Variants in NAALADL2 observed in about 807,000 individuals in gnomAD.
The protein encoded by NAALADL2 is N-acetylated alpha-linked acidic dipeptidase like 2, also known as inactive N-acetylated-alpha-linked acidic dipeptidase-like protein 2.
A neutral mutation model predicts 87.2 loss-of-function variants in NAALADL2; 76 were observed. That is an observed-to-expected ratio of 0.87 (90% confidence interval 0.72 to 1.05). The LOEUF (loss-of-function observed/expected upper bound fraction) is 1.05, where lower values mean the gene tolerates loss of function less well. Among genes scored for constraint, NAALADL2 ranks in the 50% least tolerant of loss-of-function variants. The pLI, the probability that NAALADL2 is intolerant of heterozygous loss-of-function variation, is 0.00. For synonymous variants in NAALADL2, 354 were observed against 331.0 expected (o/e 1.07, Z -0.75); for missense variants, 1,089 against 945.8 (o/e 1.15, Z -1.99).
intron 5 of NAALADL2, among the ~76,000 whole-genome samples, chr3:175,409,990 T>A (rs1394124666): frequency 6.6e-6 from 1 of 152,054 alleles, no homozygotes; most frequent in Non-Finnish European, 1.5e-5. Context: ...TATTTAAAAG[T>A]AGAAAGACAA....
chr3:174,659,087 T>C (rs1218651653), intron 2 of NAALADL2, among the ~76,000 whole-genome samples: 1 of 152,158 alleles, frequency 6.6e-6, no homozygotes, highest in African/African-American at 2.4e-5. Flanking sequence ...TACTAATGTT[T>C]ATATCCTTAC....
rs940498401 is a variant in NAALADL2 at position 175,803,618 on chromosome 3, G to A, written c.*415G>A. 1 of 154,106 alleles carries A rather than the reference G, an allele frequency of 6.5e-6. No homozygotes were observed. The highest frequency in any genetic ancestry group is 2.4e-5 in the African/African-American group (1 of 41,416). 9.5% of individuals were successfully genotyped at this position (154,106 alleles called of 1,614,324 possible). On this transcript the variant is annotated 3_prime_UTR_variant, in exon 14 of 14. Coordinates refer to ENST00000454872, the MANE Select transcript of NAALADL2 (RefSeq NM_207015.3). ...TGTAAAAGAAATGGAGAGTTGATAT[G>A]GTTCAGATTAACTTCACTATTAAGT...
chr3:175,168,170 A>G (rs1174023669), intron 2 of NAALADL2, among the ~76,000 whole-genome samples: 2 of 151,176 alleles, frequency 1.3e-5, no homozygotes, highest in Admixed American at 1.3e-4. Flanking sequence ...ATTAAAAAAT[A>G]TTTTTATGTT....
chr3:175,124,845 C>T (rs1726698190), intron 2 of NAALADL2, among the ~76,000 whole-genome samples: 1 of 151,852 alleles, frequency 6.6e-6, no homozygotes, highest in Admixed American at 6.6e-5. Context: ...GAGATAATGT[C>T]CTCTCATATG....
chr3:175,130,595 G>T (rs879400920), intron 2 of NAALADL2, among the ~76,000 whole-genome samples: 1 of 152,156 alleles, frequency 6.6e-6, no homozygotes, highest in African/African-American at 2.4e-5. Context: ...ATATATTGAA[G>T]AAACTATCTT....
chr3:174,672,123 T>A (rs1384466977), intron 2 of NAALADL2, among the ~76,000 whole-genome samples: 1 of 152,098 alleles, frequency 6.6e-6, no homozygotes, highest in Non-Finnish European at 1.5e-5. Flanking sequence ...TGATTCACAT[T>A]TCCTCTGCCC....
At chr3:175,035,744 A>T (rs1269248011) in intron 1 of NAALADL2, among the ~76,000 whole-genome samples, 1 of 152,230 alleles carries the variant, frequency 6.6e-6, no homozygotes, top group East Asian at 1.9e-4. Context: ...ATGTTTAATT[A>T]GGGCTTTGCT....
At chr3:174,727,519 G>T (rs1732314530) in intron 2 of NAALADL2, among the ~76,000 whole-genome samples, 1 of 151,990 alleles carries the variant, frequency 6.6e-6, no homozygotes, top group Non-Finnish European at 1.5e-5. Flanking sequence ...AACTCACACA[G>T]TATGTGTGTT....
intron 13 of NAALADL2, among the ~76,000 whole-genome samples, chr3:175,765,431 TAGAAC>T (rs1162048635): frequency 6.6e-6 from 1 of 152,108 alleles, no homozygotes; most frequent in East Asian, 1.9e-4. Context: ...TTGTCAATAT[TAGAAC>T]AAAGAACATA....
chr3:175,236,185 A>T (rs1436954757), intron 3 of NAALADL2, among the ~76,000 whole-genome samples: 2 of 152,150 alleles, frequency 1.3e-5, no homozygotes, highest in African/African-American at 2.4e-5. Context: ...TAAGGGAAAC[A>T]TGGGAGATGA....
chr3:174,999,779 A>G (rs1165181120), intron 1 of NAALADL2, among the ~76,000 whole-genome samples: 1 of 152,192 alleles, frequency 6.6e-6, no homozygotes, highest in Non-Finnish European at 1.5e-5. Context: ...TCAATATTAA[A>G]GTTATTAAAC....
chr3:175,157,533 T>G (rs1732504708), intron 2 of NAALADL2, among the ~76,000 whole-genome samples: 1 of 152,122 alleles, frequency 6.6e-6, no homozygotes, highest in Non-Finnish European at 1.5e-5. Flanking sequence ...AATTTACAAT[T>G]AAACAACTCT....
intron 4 of NAALADL2, among the ~76,000 whole-genome samples, chr3:175,299,640 A>AT (rs1756794924): frequency 6.6e-6 from 1 of 152,108 alleles, no homozygotes; most frequent in African/African-American, 2.4e-5. Context: ...TTGCACATTG[A>AT]TTTTGTATCC....
chr3:175,591,100 A>G (rs1381525708), intron 10 of NAALADL2, among the ~76,000 whole-genome samples: 2 of 152,190 alleles, frequency 1.3e-5, no homozygotes, highest in Non-Finnish European at 2.9e-5. Flanking sequence ...AGGAGGTGTC[A>G]TAGGAAAAAA....
chr3:175,565,394 T>C (rs778845766), intron 9 of NAALADL2, among the ~76,000 whole-genome samples: 5 of 152,168 alleles, frequency 3.3e-5, no homozygotes, highest in Non-Finnish European at 7.3e-5. Flanking sequence ...ATTGATACTT[T>C]CCTAGAAAAT....
intron 2 of NAALADL2, among the ~76,000 whole-genome samples, chr3:175,113,546 G>A (rs954472625): frequency 4.0e-5 from 6 of 151,570 alleles, no homozygotes; most frequent in Non-Finnish European, 8.9e-5. Flanking sequence ...AAGTTAGCTT[G>A]CCATAGTTTC....
intron 2 of NAALADL2, among the ~76,000 whole-genome samples, chr3:175,209,670 G>A (rs1179266915): frequency 6.6e-6 from 1 of 151,532 alleles, no homozygotes; most frequent in Admixed American, 6.6e-5. Flanking sequence ...GCCAGCTTAC[G>A]GTGATATGTT....
intron 5 of NAALADL2, among the ~76,000 whole-genome samples, chr3:175,426,282 G>C (rs1215454877): frequency 6.6e-6 from 1 of 152,172 alleles, no homozygotes; most frequent in Non-Finnish European, 1.5e-5. Flanking sequence ...AGAATCACTT[G>C]AACCCAGGAG....
At chr3:174,771,545 T>C (rs1427654917) in intron 3 of NAALADL2, among the ~76,000 whole-genome samples, 1 of 152,150 alleles carries the variant, frequency 6.6e-6, no homozygotes, top group South Asian at 2.1e-4. Context: ...GTCGGGTGCA[T>C]GAGCTTTGGT....
Sources: gnomAD v4.1 joint callset for allele counts (sites outside exome capture counted in the v4.1 genomes callset) on GRCh38, gnomAD v4.1.1 for gene constraint, MANE v1.5 for transcripts, NCBI Gene and HGNC (gene_info 2026-07-23, HGNC 2026-07-21) for gene names.